KCNIP4: variants seen among roughly 807,000 people sequenced by gnomAD.
KCNIP4 encodes Kv channel-interacting protein 4.
In KCNIP4, 12 loss-of-function variants were observed where a neutral mutation model predicts 34.0. The observed-to-expected ratio is 0.35, with a 90% CI of 0.23 to 0.57. The LOEUF is 0.57. Ranked by LOEUF, KCNIP4 falls within the 20% of genes least tolerant of loss-of-function variation. The pLI is 0.83. For synonymous variants in KCNIP4, 124 were observed against 102.2 expected (o/e 1.21, Z -1.29); for missense variants, 238 against 311.7 (o/e 0.76, Z 1.78).
At chr4:21,412,599 T>C (rs1724604820) in intron 1 of KCNIP4, among the ~76,000 whole-genome samples, 1 of 152,240 alleles carries the variant, frequency 6.6e-6, no homozygotes, top group Non-Finnish European at 1.5e-5. Context: ...CTTTTATATG[T>C]GTATTTGATT....
intron 2 of KCNIP4, 65 bp from the exon 3 acceptor site, chr4:20,850,732 A>T: frequency 6.5e-7 from 1 of 1,545,198 alleles, no homozygotes. Flanking sequence ...ACACAGAGCA[A>T]CAAAGGAAAA....
intron 1 of KCNIP4, among the ~76,000 whole-genome samples, chr4:21,706,005 G>A (rs192760327): frequency 6.6e-6 from 1 of 152,198 alleles, no homozygotes; most frequent in Non-Finnish European, 1.5e-5. Flanking sequence ...GGAGTATGCA[G>A]GGAAAATAAA....
At chr4:21,298,983 GT>G (rs1474591799) in intron 1 of KCNIP4, among the ~76,000 whole-genome samples, 26 of 152,084 alleles carry the variant, frequency 1.7e-4, no homozygotes, top group Admixed American at 1.7e-3. Flanking sequence ...GATGGCCTGA[GT>G]TTGAATTCCA....
rs576077150 is a variant in KCNIP4, at chr4:21,310,158, G to A, written c.62-427449C>T. On this transcript the variant is annotated intron_variant, in intron 1 of 8. Coordinates refer to ENST00000382152, the MANE Select transcript of KCNIP4 (RefSeq NM_025221.6). ...AGCAGTTCTCCTGTCTCAGCCTCCC[G>A]AGTAGCTGGGAGTGCAGGCGTGCAT... Among the ~76,000 whole-genome samples the A allele has an allele frequency of 6.6e-5, 10 of 152,130 alleles. No individual in the cohort carries two copies. The South Asian group carries it at 8.3e-4, about 13-fold the overall frequency.
At chr4:21,778,908 T>A (rs1054505107) in intron 1 of KCNIP4, among the ~76,000 whole-genome samples, 2 of 152,108 alleles carry the variant, frequency 1.3e-5, no homozygotes, top group African/African-American at 4.8e-5. Context: ...GCTCTCTTTG[T>A]AAAATGAGGA....
chr4:21,809,255 A>T (rs887555598), intron 1 of KCNIP4, among the ~76,000 whole-genome samples: 5 of 152,154 alleles, frequency 3.3e-5, no homozygotes, highest in Non-Finnish European at 7.3e-5. Flanking sequence ...TTCACTTTCT[A>T]TCTTGAGCTG....
intron 1 of KCNIP4, among the ~76,000 whole-genome samples, chr4:21,155,306 G>A (rs1368684896): frequency 2.0e-5 from 3 of 152,090 alleles, no homozygotes; most frequent in Non-Finnish European, 4.4e-5. Flanking sequence ...AATGGCCTTC[G>A]AAGGAAATGT....
At chr4:21,238,874 A>T (rs1051919957) in intron 1 of KCNIP4, among the ~76,000 whole-genome samples, 9 of 151,580 alleles carry the variant, frequency 5.9e-5, no homozygotes, top group African/African-American at 2.2e-4. Flanking sequence ...ATTGGAAAAA[A>T]ACTAAAGTTC....
rs555585102 is a variant in KCNIP4 at position 21,396,549 on chromosome 4, C to CAAAAAA, written c.62-513846_62-513841dup. Among the ~76,000 whole-genome samples the CAAAAAA allele has an allele frequency of 3.0e-3, 160 of 52,796 alleles. 9 individuals carry two copies. The highest frequency in any genetic ancestry group is 8.2e-3 in the African/African-American group (145 of 17,644). 34.6% of individuals were successfully genotyped at this position (52,796 alleles called of 152,430 possible). On this transcript the variant is annotated intron_variant, in intron 1 of 8. Coordinates refer to ENST00000382152, the MANE Select transcript of KCNIP4 (RefSeq NM_025221.6). Reference sequence around the variant, plus strand: ...CCAGCCTGGTGACAGAGCAAGACTCCAAAAAAAAAAAAAAAAAAAGAGGAT... The same window carrying CAAAAAA: ...CCAGCCTGGTGACAGAGCAAGACTCCAAAAAAAAAAAAAAAAAAAAAAAAAGAGGAT...
At chr4:20,890,784 G>A (rs1338163377) in intron 1 of KCNIP4, among the ~76,000 whole-genome samples, 2 of 152,166 alleles carry the variant, frequency 1.3e-5, no homozygotes, top group East Asian at 1.9e-4. Context: ...CTAACTAAAT[G>A]AGAATGTATT....
chr4:21,528,454 G>A (rs1037511422), intron 1 of KCNIP4, among the ~76,000 whole-genome samples: 1 of 151,766 alleles, frequency 6.6e-6, no homozygotes, highest in Non-Finnish European at 1.5e-5. Context: ...GTATCACGAG[G>A]TCAGGAGTTT....
intron 1 of KCNIP4, among the ~76,000 whole-genome samples, chr4:21,660,185 C>T (rs1054050539): frequency 5.3e-5 from 8 of 152,060 alleles, no homozygotes; most frequent in African/African-American, 1.9e-4. Flanking sequence ...TCCAAATATA[C>T]TTGTATATGT....
At chr4:21,254,524 CATTTTT>C (rs1760928572) in intron 1 of KCNIP4, among the ~76,000 whole-genome samples, 1 of 152,144 alleles carries the variant, frequency 6.6e-6, no homozygotes, top group African/African-American at 2.4e-5. Flanking sequence ...TTATGCATTT[CATTTTT>C]ATTTTTAATT....
intron 1 of KCNIP4, among the ~76,000 whole-genome samples, chr4:20,993,385 G>A (rs77334550): frequency 6.6e-6 from 1 of 152,196 alleles, no homozygotes; most frequent in Non-Finnish European, 1.5e-5. Context: ...CCATATTACT[G>A]TTCATGAATG....
At chr4:21,913,546 C>A (rs949102305) in intron 1 of KCNIP4, among the ~76,000 whole-genome samples, 1 of 151,958 alleles carries the variant, frequency 6.6e-6, no homozygotes, top group Admixed American at 6.6e-5. Context: ...CTGTTCTTTA[C>A]AAATTATGTA....
chr4:21,174,739 T>C (rs1371756244), intron 1 of KCNIP4, among the ~76,000 whole-genome samples: 1 of 151,232 alleles, frequency 6.6e-6, no homozygotes, highest in Non-Finnish European at 1.5e-5. Flanking sequence ...ACCTCATTTC[T>C]ACTAAAAATA....
At position 20,983,802 on chromosome 4, in the gene KCNIP4, C is replaced by T. The variant is rs1418118894; in HGVS notation, c.62-101093G>A. ...ACCTGCCCAACAGCACAGACTGGAG[C>T]GACCACTTTACCTTCCGAAAAATCA... On this transcript the variant is annotated intron_variant, in intron 1 of 8. Transcript: ENST00000382152. 5.2e-6 allele frequency: 8 copies of T among 1,535,292 alleles called. No homozygotes were observed. In the East Asian group the frequency reaches 9.8e-5, roughly 19 times the overall value.
chr4:20,744,146 C>T (rs1348806160), intron 5 of KCNIP4, among the ~76,000 whole-genome samples: 1 of 151,010 alleles, frequency 6.6e-6, no homozygotes, highest in Non-Finnish European at 1.5e-5. Context: ...GAAATAGGAA[C>T]ACTTTTGCAC....
intron 1 of KCNIP4, among the ~76,000 whole-genome samples, chr4:21,303,607 A>G (rs1272789850): frequency 6.6e-6 from 1 of 152,202 alleles, no homozygotes. Context: ...TAGTTTTAAC[A>G]TTCTCTTGTG....
Sources: gnomAD v4.1 joint callset for allele counts (sites outside exome capture counted in the v4.1 genomes callset) on GRCh38, gnomAD v4.1.1 for gene constraint, MANE v1.5 for transcripts, NCBI Gene and HGNC (gene_info 2026-07-23, HGNC 2026-07-21) for gene names.